The following RALA variants were observed in gnomAD, a reference collection of about 807,000 sequenced individuals.
The protein encoded by RALA is ras-related protein Ral-A.
Under a neutral mutation model 24.0 loss-of-function variants are expected in RALA, and 5 were observed. The observed-to-expected ratio is 0.21, with a 90% CI of 0.11 to 0.44. The LOEUF (loss-of-function observed/expected upper bound fraction) is 0.44. Among genes scored for constraint, RALA ranks in the 20% least tolerant of loss-of-function variants. The pLI is 0.99. For synonymous variants in RALA, 77 were observed against 83.8 expected (o/e 0.92, Z 0.44); for missense variants, 95 against 241.2 (o/e 0.39, Z 4.01).
intron 1 of RALA, among the ~76,000 whole-genome samples, chr7:39,664,096 T>C (rs1028405323): frequency 6.6e-6 from 1 of 152,128 alleles, no homozygotes; most frequent in Non-Finnish European, 1.5e-5. Context: ...AAATTGCCCT[T>C]CTGGAAAAAA....
chr7:39,668,304 T>C (rs999854537), intron 1 of RALA, among the ~76,000 whole-genome samples: 1 of 152,208 alleles, frequency 6.6e-6, no homozygotes, highest in African/African-American at 2.4e-5. Context: ...CCTTAAACAG[T>C]CAATTTATTA....
In RALA at chr7:39,708,034, A is replaced by G. The variant is rs1793150787; in HGVS notation, c.*1789A>G. The stretch of plus-strand genomic sequence containing the variant: ...CTATGAAGCCAACTGACAAAGATGC[A>G]TCACGTGTCTTAGGCTGATGCCACT... On this transcript the variant is annotated 3_prime_UTR_variant, in exon 5 of 5. Transcript: ENST00000005257. 1 of 152,668 alleles carries G rather than the reference A, an allele frequency of 6.6e-6. No individual in the cohort carries two copies. The highest frequency in any genetic ancestry group is 6.5e-5 in the Admixed American group (1 of 15,288). 9.5% of individuals were successfully genotyped at this position (152,668 alleles called of 1,614,324 possible). A position where few individuals can be genotyped will look rare whatever the true frequency, so the allele number is the denominator to read the frequency against.
chr7:39,634,943 G>A (rs1378390894), intron 1 of RALA, among the ~76,000 whole-genome samples: 1 of 152,122 alleles, frequency 6.6e-6, no homozygotes, highest in Admixed American at 6.5e-5. Flanking sequence ...CTTAGCCTGT[G>A]AATTGTCTTT....
chr7:39,666,375 G>T (rs11973533), intron 1 of RALA, among the ~76,000 whole-genome samples: 2,311 of 152,270 alleles, frequency 0.015, 39 homozygotes, highest in African/African-American at 0.051. Context: ...GGAAGGTGAT[G>T]AACTCAAATG....
At chr7:39,635,756 A>G (rs1583705744) in intron 1 of RALA, among the ~76,000 whole-genome samples, 2 of 152,196 alleles carry the variant, frequency 1.3e-5, no homozygotes, top group Admixed American at 6.5e-5. Flanking sequence ...TTGTACTCCT[A>G]TGAGAATCTA....
chr7:39,674,372 T>C (rs921392301), intron 1 of RALA, among the ~76,000 whole-genome samples: 1 of 152,240 alleles, frequency 6.6e-6, no homozygotes, highest in Non-Finnish European at 1.5e-5. Flanking sequence ...TTTTTTCATC[T>C]ATTAATATCA....
intron 1 of RALA, among the ~76,000 whole-genome samples, chr7:39,643,902 A>G (rs1023060826): frequency 1.3e-5 from 2 of 152,168 alleles, no homozygotes; most frequent in Admixed American, 1.3e-4. Context: ...AAGAATATGC[A>G]GTGCTGATAG....
At chr7:39,672,643 C>T (rs769146834) in intron 1 of RALA, among the ~76,000 whole-genome samples, 1 of 98,466 alleles carries the variant, frequency 1.0e-5, no homozygotes, top group Non-Finnish European at 1.9e-5. Flanking sequence ...GAATACTATT[C>T]AGTCGTAAAA....
At chr7:39,669,437 A>G (rs2116018929) in intron 1 of RALA, among the ~76,000 whole-genome samples, 1 of 152,270 alleles carries the variant, frequency 6.6e-6, no homozygotes, top group Admixed American at 6.5e-5. Context: ...CAACTTACAG[A>G]TGAAACATGT....
chr7:39,696,016 C>A (rs1371713164), intron 3 of RALA, among the ~76,000 whole-genome samples: 1 of 152,158 alleles, frequency 6.6e-6, no homozygotes, highest in African/African-American at 2.4e-5. Context: ...TAATTGTTGG[C>A]TCCATTTTAT....
At chr7:39,630,210 A>ATT (rs57399698) in intron 1 of RALA, among the ~76,000 whole-genome samples, 12 of 100,926 alleles carry the variant, frequency 1.2e-4, no homozygotes, top group Non-Finnish European at 1.7e-4. Context: ...TGCCTTGCTA[A>ATT]TTTTTTTTTT....
intron 1 of RALA, among the ~76,000 whole-genome samples, chr7:39,653,670 C>T (rs1009733841): frequency 1.3e-5 from 2 of 152,068 alleles, no homozygotes; most frequent in Non-Finnish European, 2.9e-5. Context: ...AGAATTCTCC[C>T]TCACAATTCC....
chr7:39,693,758 T>C (rs565451399), intron 3 of RALA, among the ~76,000 whole-genome samples: 1 of 152,296 alleles, frequency 6.6e-6, no homozygotes, highest in Non-Finnish European at 1.5e-5. Context: ...GTAGGAAGCA[T>C]CATAGCACTG....
rs930085733 is a variant in RALA, at chr7:39,697,713, G to A, written c.498+854G>A. Among the ~76,000 whole-genome samples the A allele has an allele frequency of 1.8e-4, 28 of 152,184 alleles. 1 individual carries two copies. Among genetic ancestry groups the A allele is most frequent in the Admixed American group, 1.8e-3 (28 of 15,288 alleles). On this transcript the variant is annotated intron_variant, in intron 4 of 4. Transcript: ENST00000005257. Reference sequence around the variant, plus strand: ...CTAAGAATTTATGATTCTAGCAAGTGCTGCATGTGCTTGTAGATTTATAAC... The same window carrying A: ...CTAAGAATTTATGATTCTAGCAAGTACTGCATGTGCTTGTAGATTTATAAC...
intron 1 of RALA, among the ~76,000 whole-genome samples, chr7:39,671,142 A>C (rs139240625): frequency 0.011 from 1,636 of 152,154 alleles, 35 homozygotes; most frequent in African/African-American, 0.037. Flanking sequence ...ATTGACCTGT[A>C]GCCTTCCACC....
chr7:39,652,200 C>T (rs962631043), intron 1 of RALA, among the ~76,000 whole-genome samples: 2 of 152,112 alleles, frequency 1.3e-5, no homozygotes, highest in African/African-American at 4.8e-5. Flanking sequence ...TGAACCTGTC[C>T]TTTTATAAGG....
chr7:39,667,097 A>G (rs948165196), intron 1 of RALA, among the ~76,000 whole-genome samples: 2 of 152,074 alleles, frequency 1.3e-5, no homozygotes, highest in African/African-American at 2.4e-5. Context: ...TTTTGTGTTT[A>G]TTTATGATTC....
At chr7:39,660,615 C>A (rs1792170578) in intron 1 of RALA, among the ~76,000 whole-genome samples, 1 of 151,870 alleles carries the variant, frequency 6.6e-6, no homozygotes, top group Admixed American at 6.6e-5. Context: ...TACTATTAAT[C>A]TAATATTGCA....
At chr7:39,669,251 T>A (rs913133104) in intron 1 of RALA, among the ~76,000 whole-genome samples, 6 of 152,188 alleles carry the variant, frequency 3.9e-5, no homozygotes, top group African/African-American at 1.4e-4. Flanking sequence ...TTAAGATCTT[T>A]GAAGTCAAGG....
Sources: gnomAD v4.1 joint callset for allele counts (sites outside exome capture counted in the v4.1 genomes callset) on GRCh38, gnomAD v4.1.1 for gene constraint, MANE v1.5 for transcripts, NCBI Gene and HGNC (gene_info 2026-07-23, HGNC 2026-07-21) for gene names.